NFASC: variants seen among roughly 807,000 people sequenced by gnomAD.
NFASC encodes neurofascin.
NFASC carries 43 observed loss-of-function variants against 147.5 expected under a neutral mutation model. That is an observed-to-expected ratio of 0.29 (90% confidence interval 0.23 to 0.38). The LOEUF is 0.38. Ranked by LOEUF, NFASC falls within the 10% of genes least tolerant of loss-of-function variation. The probability of loss-of-function intolerance (pLI) is 1.00; values close to 1 mark genes in which losing one functional copy is unlikely to be tolerated. For missense variants in NFASC, 1,320 were observed against 1,689.0 expected, an observed-to-expected ratio of 0.78 and a Z score of 3.83; for synonymous variants, 622 against 665.5, an observed-to-expected ratio of 0.93 and a Z score of 1.01.
At chr1:204,874,551 C>A (rs966698398) in intron 1 of NFASC, among the ~76,000 whole-genome samples, 5 of 152,198 alleles carry the variant, frequency 3.3e-5, no homozygotes, top group African/African-American at 1.2e-4. Context: ...CCCATTCCTG[C>A]ACTTCCAACC....
chr1:204,964,697 G>T (rs569335463), intron 8 of NFASC, among the ~76,000 whole-genome samples: 1 of 152,284 alleles, frequency 6.6e-6, no homozygotes, highest in East Asian at 1.9e-4. Flanking sequence ...CAAGAATCTG[G>T]CCCCATGAGT....
chr1:204,897,190 G>C (rs2083542578), intron 1 of NFASC, among the ~76,000 whole-genome samples: 5 of 152,148 alleles, frequency 3.3e-5, no homozygotes. Flanking sequence ...TCTAGGCTAG[G>C]ATATCAAGGA....
chr1:204,897,238 G>A (rs995442981), intron 1 of NFASC, among the ~76,000 whole-genome samples: 3 of 152,138 alleles, frequency 2.0e-5, no homozygotes, highest in African/African-American at 7.2e-5. Context: ...GCTGAGATGT[G>A]ACAAATGAGT....
intron 4 of NFASC, 148 bp downstream of exon 4, chr1:204,950,722 G>A (rs2094048243): frequency 1.3e-6 from 1 of 754,576 alleles, no homozygotes; most frequent in Non-Finnish European, 2.3e-6. Flanking sequence ...TTACTGCGGG[G>A]GAAGGAAGGA....
At chr1:204,984,321 TTA>T (rs1409855516) in intron 21 of NFASC, 4 of 494,562 alleles carry the variant, frequency 8.1e-6, no homozygotes, top group Admixed American at 3.5e-5. Flanking sequence ...GAAAAAAAAA[TTA>T]TATATATATG....
intron 29 of NFASC, 83 bp downstream of exon 29, chr1:205,012,949 T>C: frequency 1.0e-6 from 1 of 998,516 alleles, no homozygotes; most frequent in Non-Finnish European, 1.6e-6. Context: ...GTAGCTCCGC[T>C]TGGCTGAGAG....
chr1:204,937,698 A>T (rs2092985733), intron 2 of NFASC, among the ~76,000 whole-genome samples: 1 of 152,134 alleles, frequency 6.6e-6, no homozygotes, highest in African/African-American at 2.4e-5. Flanking sequence ...TGATGGGAGA[A>T]CGTCCTGGTT....
At chr1:204,865,496 A>AAATAC (rs2077035632) in intron 1 of NFASC, among the ~76,000 whole-genome samples, 1 of 152,188 alleles carries the variant, frequency 6.6e-6, no homozygotes, top group African/African-American at 2.4e-5. Flanking sequence ...TTTGATGTGG[A>AAATAC]AATACAGTTT....
chr1:204,976,780 T>C lies in NFASC; in HGVS notation c.1816T>C (p.Tyr606His). The C allele has an allele frequency of 6.2e-6, 10 of 1,613,812 alleles. No individual in the cohort carries two copies. The highest frequency in any genetic ancestry group is 1.1e-5 in the South Asian group (1 of 91,010). The change falls in exon 16 of 30, where the codon TAC becomes CAC. Residue 606 changes from tyrosine to histidine, a missense_variant. Tyr to His is a moderately conservative substitution (Grantham distance 83). Around this residue, in one of 3 missense-constraint regions of NFASC, gnomAD observed 981 missense variants for 1,289.5 expected, o/e 0.76. Transcript: ENST00000339876. Reference protein sequence around the residue: ...TELDQDLAKAYLTVLADQATP... With the variant: ...TELDQDLAKAHLTVLADQATP... ...GCTAGACCAAGACCTGGCCAAGGCC[T>C]ACCTCACCGTGCTAGGTAACTGCCC...
chr1:204,983,967 G>T, intron 21 of NFASC: 4 of 1,220,500 alleles, frequency 3.3e-6, no homozygotes, highest in Non-Finnish European at 4.8e-6. Flanking sequence ...CAGAGAACAA[G>T]TCAGAAGCAA....
chr1:204,913,851 C>A (rs1312371199), intron 1 of NFASC, among the ~76,000 whole-genome samples: 1 of 150,864 alleles, frequency 6.6e-6, no homozygotes, highest in Non-Finnish European at 1.5e-5. Flanking sequence ...CATGATCATG[C>A]CACTGCACTC....
At position 204,954,487 on chromosome 1, in the gene NFASC, C is replaced by A; in HGVS notation, c.412+103C>A. 2 of 1,104,398 alleles carry A rather than the reference C, an allele frequency of 1.8e-6. No homozygotes were observed. Among genetic ancestry groups the A allele is most frequent in the Non-Finnish European group, 2.6e-6 (2 of 774,566 alleles). 68.4% of individuals were successfully genotyped at this position (1,104,398 alleles called of 1,614,324 possible). A position where few individuals can be genotyped will look rare whatever the true frequency, so the allele number is the denominator to read the frequency against. The stretch of plus-strand genomic sequence containing the variant: ...AAGGGCTGCCCCTGCCCTTGGCCTG[C>A]AGTTGCCTTGGTGTTCTCTATGCAT... On this transcript the variant is annotated intron_variant, in intron 6 of 29. Transcript: ENST00000339876. This position sits in a 1 kb window ranked among gnomAD's most constrained non-coding sequence, Gnocchi z 5.7.
chr1:204,938,729 A>G (rs2093094931), intron 2 of NFASC, among the ~76,000 whole-genome samples: 1 of 152,226 alleles, frequency 6.6e-6, no homozygotes, highest in Admixed American at 6.5e-5. Flanking sequence ...TGCAGATTTA[A>G]AGGCCTTGTG....
chr1:204,891,851 A>T (rs72757706), intron 1 of NFASC, among the ~76,000 whole-genome samples: 2,575 of 152,294 alleles, frequency 0.017, 31 homozygotes, highest in Non-Finnish European at 0.025. Flanking sequence ...TTGCCCAGGC[A>T]GGCAACAAGC....
chr1:204,966,429 GA>G (rs1367527616), intron 8 of NFASC, among the ~76,000 whole-genome samples: 8 of 152,152 alleles, frequency 5.3e-5, no homozygotes, highest in Non-Finnish European at 1.2e-4. Flanking sequence ...CCCAGCTCTT[GA>G]CGGATTCACC....
At chr1:204,925,000 C>T (rs558348553) in intron 2 of NFASC, among the ~76,000 whole-genome samples, 4 of 152,302 alleles carry the variant, frequency 2.6e-5, no homozygotes, top group South Asian at 2.1e-4. Context: ...CTCAGCCTCT[C>T]GTGTAGCTGG....
rs1027610928 is a variant in NFASC, at chr1:204,951,858, T to G, written c.110-153T>G. On this transcript the variant is annotated intron_variant, in intron 4 of 29. Transcript: ENST00000339876. Reference sequence around the variant, plus strand: ...GCGGCACCATTTAAGGAGCTGGGTCTCTAGAATGGGGCCCTGTTCACCGCC... The same window carrying G: ...GCGGCACCATTTAAGGAGCTGGGTCGCTAGAATGGGGCCCTGTTCACCGCC... The G allele has an allele frequency of 1.0e-5, 6 of 592,616 alleles. No individual in the cohort carries two copies. In the African/African-American group the frequency reaches 1.1e-4, roughly 11 times the overall value. The allele number at this position is 592,616 out of a possible 1,614,324, so 36.7% of individuals were successfully genotyped here.
intron 19 of NFASC, 21 bp from the exon 20 acceptor site, chr1:204,980,349 C>A (rs1167035698): frequency 1.2e-6 from 2 of 1,608,378 alleles, no homozygotes; most frequent in African/African-American, 1.3e-5. Context: ...GGACTTGAGC[C>A]TGTGTCTGTT....
Position 205,015,798 on chromosome 1 carries a change from G to A in NFASC, c.3492-510G>A, listed in dbSNP as rs1179910342. Among the ~76,000 whole-genome samples the A allele has an allele frequency of 2.0e-5, 3 of 152,072 alleles. No individual in the cohort carries two copies. The highest frequency in any genetic ancestry group is 7.2e-5 in the African/African-American group (3 of 41,434). ...AAGCAGAGAGGTGAGGGAGAGGTTT[G>A]TTCCTTTAAAAGCCTTGCTTGTTGT... On this transcript the variant is annotated intron_variant, in intron 29 of 29. Transcript: ENST00000339876. The surrounding 1 kb of genome is among the most constrained non-coding windows in gnomAD (Gnocchi z 4.0).
Sources: allele counts gnomAD v4.1 joint callset (sites outside exome capture counted in the v4.1 genomes callset), GRCh38; gene constraint gnomAD v4.1.1; regional missense constraint gnomAD v4.1.1; non-coding constraint Gnocchi (gnomAD v3.1); transcripts MANE v1.5; gene names NCBI Gene and HGNC (gene_info 2026-07-23, HGNC 2026-07-21).